VTI1A: variants seen among roughly 807,000 people sequenced by gnomAD.
VTI1A encodes vesicle transport through interaction with t-SNAREs homolog 1A.
Under a neutral mutation model 34.9 loss-of-function variants are expected in VTI1A, and 22 were observed. The observed-to-expected ratio is 0.63, with a 90% confidence interval of 0.45 to 0.90. The LOEUF (loss-of-function observed/expected upper bound fraction) is 0.90, where lower values mean the gene tolerates loss of function less well. VTI1A is among the 40% of genes least tolerant of loss of function. The pLI is 0.00. For synonymous variants in VTI1A, 87 were observed against 97.3 expected (o/e 0.89, Z 0.62); for missense variants, 268 against 275.6 (o/e 0.97, Z 0.20).
chr10:112,596,875 G>C (rs963867216), intron 5 of VTI1A, among the ~76,000 whole-genome samples: 1 of 151,890 alleles, frequency 6.6e-6, no homozygotes, highest in Non-Finnish European at 1.5e-5. Context: ...TCAAGTTTGT[G>C]GTATACTTTT....
At chr10:112,792,691 C>T (rs1447020038) in intron 7 of VTI1A, among the ~76,000 whole-genome samples, 3 of 152,102 alleles carry the variant, frequency 2.0e-5, no homozygotes, top group African/African-American at 7.2e-5. Flanking sequence ...TATTGCCAGC[C>T]CGTATCAATG....
intron 2 of VTI1A, among the ~76,000 whole-genome samples, chr10:112,461,930 G>T (rs1391440409): frequency 6.6e-6 from 1 of 152,196 alleles, no homozygotes; most frequent in Admixed American, 6.5e-5. Flanking sequence ...TAGCCAGGCT[G>T]GTCTTGAACT....
chr10:112,802,606 A>T (rs1329079926), intron 7 of VTI1A, among the ~76,000 whole-genome samples: 2 of 152,196 alleles, frequency 1.3e-5, no homozygotes, highest in African/African-American at 4.8e-5. Context: ...AGCTGTCCTC[A>T]CTGCAGTGGA....
At chr10:112,735,560 C>T (rs1002258240) in intron 7 of VTI1A, among the ~76,000 whole-genome samples, 1 of 152,204 alleles carries the variant, frequency 6.6e-6, no homozygotes, top group African/African-American at 2.4e-5. Flanking sequence ...AACTGGTTTC[C>T]TTACACCAGC....
chr10:112,751,472 G>GC (rs1851102834), intron 7 of VTI1A, among the ~76,000 whole-genome samples: 1 of 89,930 alleles, frequency 1.1e-5, no homozygotes, highest in African/African-American at 4.8e-5. Context: ...GTAATTAACT[G>GC]TTTAAAAAAA....
At chr10:112,537,311 G>GGATATATATATATATA (rs1850671593) in intron 4 of VTI1A, among the ~76,000 whole-genome samples, 1 of 65,222 alleles carries the variant, frequency 1.5e-5, no homozygotes, top group African/African-American at 4.5e-5. Flanking sequence ...AAGTATCTAG[G>GGATATATATATATATA]TATATATATA....
chr10:112,759,916 T>C (rs1293642875), intron 7 of VTI1A, among the ~76,000 whole-genome samples: 1 of 152,086 alleles, frequency 6.6e-6, no homozygotes, highest in Non-Finnish European at 1.5e-5. Flanking sequence ...GATGCTGTAA[T>C]TAAACAAGAC....
At chr10:112,732,165 T>C (rs10885378) in intron 7 of VTI1A, among the ~76,000 whole-genome samples, 64,530 of 152,016 alleles carry the variant, frequency 0.42, 16,930 homozygotes, top group African/African-American at 0.75. Context: ...ATCACAAGTT[T>C]GATTACCTGT....
chr10:112,572,998 A>G (rs1852200967), intron 5 of VTI1A, among the ~76,000 whole-genome samples: 1 of 152,054 alleles, frequency 6.6e-6, no homozygotes, highest in African/African-American at 2.4e-5. Context: ...TTCCTGAAGC[A>G]TCCCATCTCA....
chr10:112,534,491 T>C (rs1850554070), intron 4 of VTI1A, among the ~76,000 whole-genome samples: 1 of 152,152 alleles, frequency 6.6e-6, no homozygotes, highest in South Asian at 2.1e-4. Flanking sequence ...GAGAATTCTC[T>C]AGAATTTTTT....
intron 3 of VTI1A, among the ~76,000 whole-genome samples, chr10:112,507,605 C>T (rs1020353083): frequency 2.8e-4 from 42 of 152,174 alleles, no homozygotes; most frequent in Non-Finnish European, 5.6e-4. Flanking sequence ...GCACTTAGCA[C>T]GGACTTCCTT....
At chr10:112,701,575 C>G (rs555130448) in intron 7 of VTI1A, among the ~76,000 whole-genome samples, 1 of 152,282 alleles carries the variant, frequency 6.6e-6, no homozygotes, top group Admixed American at 6.5e-5. Context: ...GCCAAATTTC[C>G]AAACCTCTAA....
At chr10:112,825,280 C>T in the VTI1A span, 1 of 152,924 alleles carries the variant, frequency 6.5e-6, no homozygotes, top group South Asian at 2.1e-4. Context: ...CTGCCTCCCA[C>T]CCAGCAACCA....
intron 7 of VTI1A, among the ~76,000 whole-genome samples, chr10:112,681,204 C>T (rs1451387064): frequency 6.6e-6 from 1 of 151,848 alleles, no homozygotes; most frequent in Non-Finnish European, 1.5e-5. Context: ...ACCTTAGCCT[C>T]CCAAGTAGCT....
intron 5 of VTI1A, among the ~76,000 whole-genome samples, chr10:112,578,346 A>G (rs768511566): frequency 9.2e-5 from 14 of 152,210 alleles, no homozygotes; most frequent in Non-Finnish European, 1.9e-4. Context: ...GAGAGTTAGG[A>G]GAAACCCTAT....
intron 7 of VTI1A, among the ~76,000 whole-genome samples, chr10:112,675,896 C>T (rs1381935189): frequency 6.6e-6 from 1 of 152,152 alleles, no homozygotes; most frequent in African/African-American, 2.4e-5. Flanking sequence ...CCTCTCCGTA[C>T]CTCAGTTTCC....
intron 3 of VTI1A, among the ~76,000 whole-genome samples, chr10:112,487,590 G>A (rs976803203): frequency 1.3e-5 from 2 of 151,886 alleles, no homozygotes; most frequent in African/African-American, 2.4e-5. Flanking sequence ...CAAATTAATC[G>A]GACCTTGTTA....
intron 7 of VTI1A, among the ~76,000 whole-genome samples, chr10:112,781,072 G>A (rs1852109658): frequency 6.6e-6 from 1 of 152,130 alleles, no homozygotes; most frequent in Admixed American, 6.5e-5. Flanking sequence ...AGCCTCCCAA[G>A]TAGCTGGGAC....
intron 7 of VTI1A, among the ~76,000 whole-genome samples, chr10:112,791,840 T>TTC (rs2134057309): frequency 6.6e-6 from 1 of 151,858 alleles, no homozygotes; most frequent in South Asian, 2.1e-4. Context: ...TAACTTTTTT[T>TTC]TTTTTGCTTC....
Sources: allele counts gnomAD v4.1 joint callset (sites outside exome capture counted in the v4.1 genomes callset), GRCh38; gene constraint gnomAD v4.1.1; transcripts MANE v1.5; gene names NCBI Gene and HGNC (gene_info 2026-07-23, HGNC 2026-07-21).